The following PECAM1 variants were observed in gnomAD, a reference collection of about 807,000 sequenced individuals.
PECAM1 encodes the protein platelet and endothelial cell adhesion molecule 1, also known as platelet endothelial cell adhesion molecule.
In PECAM1, 8 loss-of-function variants were observed where a neutral mutation model predicts 13.8. The observed-to-expected ratio is 0.58, with a 90% CI of 0.34 to 1.05. The LOEUF (loss-of-function observed/expected upper bound fraction) is 1.05. PECAM1 is among the 50% of genes least tolerant of loss of function. The pLI is 0.03. For missense variants in PECAM1, 304 were observed against 141.2 expected (o/e 2.15, Z -5.84); for synonymous variants, 136 against 52.6 (o/e 2.58, Z -6.86).
At chr17:64,348,950 G>A (rs1198002572) in intron 12 of PECAM1, among the ~76,000 whole-genome samples, 1 of 152,052 alleles carries the variant, frequency 6.6e-6, no homozygotes, top group Non-Finnish European at 1.5e-5. Context: ...TACAGTGGGG[G>A]GACTTGGAAC....
chr17:64,332,023 C>CG (rs2035137307), intron 14 of PECAM1, among the ~76,000 whole-genome samples: 1 of 152,186 alleles, frequency 6.6e-6, no homozygotes, highest in South Asian at 2.1e-4. Flanking sequence ...TCTGTCACAG[C>CG]GGGGGTCACA....
At chr17:64,359,170 C>T (rs1351542120) in intron 7 of PECAM1, among the ~76,000 whole-genome samples, 3 of 152,140 alleles carry the variant, frequency 2.0e-5, no homozygotes, top group Non-Finnish European at 2.9e-5. Context: ...TCCCTCTCTC[C>T]TATTCACATC....
chr17:64,384,519 T>C (rs1371362357), intron 2 of PECAM1, among the ~76,000 whole-genome samples: 1 of 152,116 alleles, frequency 6.6e-6, no homozygotes, highest in Admixed American at 6.5e-5. Context: ...GATCACTCTC[T>C]CTCCTGTCTG....
At chr17:64,347,232 T>C (rs1396708905) in intron 13 of PECAM1, among the ~76,000 whole-genome samples, 3 of 151,642 alleles carry the variant, frequency 2.0e-5, no homozygotes, top group African/African-American at 7.3e-5. Flanking sequence ...TTTAAAATTA[T>C]TGAGGCCGAG....
chr17:64,331,383 G>T (rs1207397494), intron 14 of PECAM1, among the ~76,000 whole-genome samples: 1 of 152,050 alleles, frequency 6.6e-6, no homozygotes, highest in East Asian at 1.9e-4. Flanking sequence ...ATGGGGTTTC[G>T]CCATGTTGGC....
rs9902260 is a variant in PECAM1 at position 64,322,512 on chromosome 17, C to A, written c.*1304G>T. The A allele has an allele frequency of 1.0e-6, 1 of 984,924 alleles. No homozygotes were observed. The allele number at this position is 984,924 out of a possible 1,614,324, so 61.0% of individuals were successfully genotyped here. The stretch of plus-strand genomic sequence containing the variant: ...CAACATTTCACAGATCTGCAAAGAG[C>A]AAAGGTCAAATTTATTTAATACAAC... On this transcript the variant is annotated 3_prime_UTR_variant, in exon 16 of 16. Coordinates refer to ENST00000563924, the MANE Select transcript of PECAM1 (RefSeq NM_000442.5).
At chr17:64,336,603 C>T (rs1031544496) in intron 14 of PECAM1, among the ~76,000 whole-genome samples, 81 of 152,214 alleles carry the variant, frequency 5.3e-4, no homozygotes, top group African/African-American at 1.8e-3. Flanking sequence ...GAAAGAAAAG[C>T]TGAGCATTCA....
intron 13 of PECAM1, among the ~76,000 whole-genome samples, chr17:64,346,077 G>A (rs7207019): frequency 1.3e-5 from 2 of 151,950 alleles, no homozygotes; most frequent in Non-Finnish European, 2.9e-5. Flanking sequence ...AAAACTGCAC[G>A]CATTCAGCCT....
At chr17:64,357,857 C>T (rs2035880123) in intron 7 of PECAM1, among the ~76,000 whole-genome samples, 2 of 152,148 alleles carry the variant, frequency 1.3e-5, no homozygotes, top group Admixed American at 6.6e-5. Context: ...TAGCCTCTAA[C>T]GTACCATGAG....
chr17:64,338,227 A>T (rs2035333430), intron 14 of PECAM1, among the ~76,000 whole-genome samples: 1 of 126,788 alleles, frequency 7.9e-6, no homozygotes, highest in Admixed American at 1.1e-4. Context: ...TTGGTTTTTT[A>T]AATTTTTTAA....
At chr17:64,361,454 T>A (rs2035978502) in intron 6 of PECAM1, among the ~76,000 whole-genome samples, 1 of 151,896 alleles carries the variant, frequency 6.6e-6, no homozygotes, top group South Asian at 2.1e-4. Context: ...CCAATATATA[T>A]GTTTTTAAAT....
chr17:64,346,048 AG>A (rs1346417431), intron 13 of PECAM1, among the ~76,000 whole-genome samples: 1 of 152,208 alleles, frequency 6.6e-6, no homozygotes, highest in East Asian at 1.9e-4. Context: ...TGGTCTGGCT[AG>A]TGGCTGGCAC....
chr17:64,356,508 C>T, intron 7 of PECAM1, 110 bp from the exon 8 acceptor site: 1 of 404,354 alleles, frequency 2.5e-6, no homozygotes, highest in East Asian at 3.6e-5. Context: ...GAGTCCCGCT[C>T]TTATCACCCA....
In PECAM1 at chr17:64,341,664, C is replaced by T. The variant is rs1215693232; in HGVS notation, c.2134G>A (p.Val712Met). ...ACAGCTTTCCGGACTTCACTGTACACTGTCTCTGTGTCCTTCTTTCCTAGA... is the reference window on the plus strand; with the variant it reads ...ACAGCTTTCCGGACTTCACTGTACATTGTCTCTGTGTCCTTCTTTCCTAGA... ...KDLGKKDTET[V>M]YSEVRKAVPD... The change falls in exon 14 of 16, where the codon GTG becomes ATG. Residue 712 changes from valine (V) to methionine (M), a missense_variant. Physicochemically the swap from Val to Met is conservative, Grantham distance 21 (BLOSUM62 1). Coordinates refer to ENST00000563924, the MANE Select transcript of PECAM1 (RefSeq NM_000442.5). 2 of 452,806 alleles carry T rather than the reference C, an allele frequency of 4.4e-6. No homozygotes were observed. The highest frequency in any genetic ancestry group is 8.1e-6 in the Non-Finnish European group (2 of 248,304). 28.0% of individuals were successfully genotyped at this position (452,806 alleles called of 1,614,324 possible).
At chr17:64,331,565 G>T (rs1268164098) in intron 14 of PECAM1, among the ~76,000 whole-genome samples, 1 of 152,238 alleles carries the variant, frequency 6.6e-6, no homozygotes, top group Non-Finnish European at 1.5e-5. Flanking sequence ...GTCCCAACCG[G>T]ATGTCAGCAA....
intron 14 of PECAM1, among the ~76,000 whole-genome samples, chr17:64,340,321 A>ATATT (rs1168671554): frequency 5.9e-5 from 9 of 152,146 alleles, no homozygotes; most frequent in Admixed American, 2.6e-4. Context: ...TCATCCTTTT[A>ATATT]TATTTATTTA....
chr17:64,388,513 T>C (rs1286667750), intron 2 of PECAM1, among the ~76,000 whole-genome samples: 2 of 152,124 alleles, frequency 1.3e-5, no homozygotes, highest in African/African-American at 4.8e-5. Flanking sequence ...ATGTTACAGA[T>C]TGGGAAAACA....
At chr17:64,337,677 T>C (rs1352428678) in intron 14 of PECAM1, among the ~76,000 whole-genome samples, 1 of 152,002 alleles carries the variant, frequency 6.6e-6, no homozygotes, top group African/African-American at 2.4e-5. Context: ...ATGCCTATAG[T>C]TTCTGCCTGA....
At chr17:64,344,100 G>A (rs1029344946) in intron 13 of PECAM1, among the ~76,000 whole-genome samples, 9 of 152,038 alleles carry the variant, frequency 5.9e-5, no homozygotes, top group African/African-American at 1.7e-4. Flanking sequence ...GGGTGGTCAC[G>A]GCCAGCTCAC....
Sources: allele counts gnomAD v4.1 joint callset (sites outside exome capture counted in the v4.1 genomes callset), GRCh38; gene constraint gnomAD v4.1.1; transcripts MANE v1.5; gene names NCBI Gene and HGNC (gene_info 2026-07-23, HGNC 2026-07-21).